The following COL5A1 variants were observed in gnomAD, a reference collection of about 807,000 sequenced individuals.
COL5A1 encodes the protein collagen type V alpha 1 chain, also known as collagen alpha-1(V) chain.
In COL5A1, 16 loss-of-function variants were observed where a neutral mutation model predicts 263.7. The ratio of observed to expected loss-of-function variants is 0.06; its 90% CI spans 0.04 to 0.09. The LOEUF (loss-of-function observed/expected upper bound fraction) is 0.09. Ranked by LOEUF, COL5A1 falls within the 10% of genes least tolerant of loss-of-function variation. The pLI is 1.00. For synonymous variants in COL5A1, 1,012 were observed against 1,004.5 expected (o/e 1.01, Z -0.14); for missense variants, 2,036 against 2,540.5 (o/e 0.80, Z 4.27).
chr9:134,765,856 T>C lies in COL5A1; in HGVS notation c.2088+122T>C. 1 of 765,146 alleles carries C rather than the reference T, an allele frequency of 1.3e-6. No individual in the cohort carries two copies. The highest frequency in any genetic ancestry group is 2.2e-6 in the Non-Finnish European group (1 of 464,022). 47.4% of individuals were successfully genotyped at this position (765,146 alleles called of 1,614,324 possible). On this transcript the variant is annotated intron_variant, in intron 21 of 65. Coordinates refer to ENST00000371817, the MANE Select transcript of COL5A1 (RefSeq NM_000093.5). This position sits in a 1 kb window ranked among gnomAD's most constrained non-coding sequence, Gnocchi z 5.1. Reference sequence around the variant, plus strand: ...CGTGCTGGCCCCTCTGGCGCCTGCCTGCTGCCAGTGTGAGGCGTGAGCGGG... The same window carrying C: ...CGTGCTGGCCCCTCTGGCGCCTGCCCGCTGCCAGTGTGAGGCGTGAGCGGG...
At chr9:134,766,185 G>A (rs1345368210) in intron 21 of COL5A1, among the ~76,000 whole-genome samples, 5 of 152,218 alleles carry the variant, frequency 3.3e-5, no homozygotes, top group African/African-American at 1.2e-4. Context: ...TCCCAGCCCC[G>A]TGACCTGGTT....
intron 25 of COL5A1, among the ~76,000 whole-genome samples, chr9:134,769,647 G>A (rs908812807): frequency 4.5e-4 from 68 of 152,342 alleles, no homozygotes; most frequent in African/African-American, 1.6e-3. Flanking sequence ...TGGAGTATGG[G>A]CCGCAATCTG....
At chr9:134,827,449 C>T (rs955326953) in intron 63 of COL5A1, among the ~76,000 whole-genome samples, 5 of 152,248 alleles carry the variant, frequency 3.3e-5, no homozygotes, top group Non-Finnish European at 7.3e-5. Context: ...GGGGGCCTTC[C>T]ATCTCGGCTC....
chr9:134,834,979 T>C lies in COL5A1; in HGVS notation c.5145T>C (p.Tyr1715=). 1 of 1,613,072 alleles carries C rather than the reference T, an allele frequency of 6.2e-7. No individual in the cohort carries two copies. Among genetic ancestry groups the C allele is most frequent in the Non-Finnish European group, 8.5e-7 (1 of 1,179,686 alleles). The change falls in exon 65 of 66, where the codon TAT becomes TAC. Residue 1715 remains tyrosine, a synonymous_variant. Transcript: ENST00000371817. Reference sequence around the variant, plus strand: ...CACCCCTGTCCCCCCAGCTCTCCTATGTGGACGCCGAGGGCAACCCTGTGG... The same window carrying C: ...CACCCCTGTCCCCCCAGCTCTCCTACGTGGACGCCGAGGGCAACCCTGTGG... The part of the protein sequence containing the change: ...SEFKRGKLLS[Y]VDAEGNPVGV...
At position 134,817,848 on chromosome 9, in the gene COL5A1, C is replaced by T. The variant is rs745440420; in HGVS notation, c.4230+17C>T. ...GGGGCCAAGGTAACGTGTTTTGGAG[C>T]CAGGCTGTGACCGCGTAGACCTCCC... On this transcript the variant is annotated intron_variant, in intron 54 of 65. Transcript: ENST00000371817. The T allele has an allele frequency of 1.6e-5, 25 of 1,593,968 alleles. No homozygotes were observed. Among genetic ancestry groups the T allele is most frequent in the Non-Finnish European group, 2.1e-5 (24 of 1,169,846 alleles).
At position 134,818,596 on chromosome 9, in the gene COL5A1, G is replaced by A; in HGVS notation, c.4231-60G>A. 7.6e-7 allele frequency: 1 copy of A among 1,310,158 alleles called. No homozygotes were observed. The highest frequency in any genetic ancestry group is 1.2e-5 in the South Asian group (1 of 80,328). 81.2% of individuals were successfully genotyped at this position (1,310,158 alleles called of 1,614,324 possible). A position where few individuals can be genotyped will look rare whatever the true frequency, so the allele number is the denominator to read the frequency against. On this transcript the variant is annotated intron_variant, in intron 54 of 65. Transcript: ENST00000371817. The surrounding 1 kb of genome is among the most constrained non-coding windows in gnomAD (Gnocchi z 6.0). The stretch of plus-strand genomic sequence containing the variant: ...CCCAGGGTTTCCGAGCAGTGGTCCT[G>A]GGCCAGGGTGCCTGGAGCCTAGAGC...
At chr9:134,823,069 G>A (rs953651070) in intron 60 of COL5A1, 36 bp downstream of exon 60, 29 of 1,613,180 alleles carry the variant, frequency 1.8e-5, no homozygotes, top group Non-Finnish European at 2.5e-5. Flanking sequence ...CCAATGCCTG[G>A]AAGGTAGGGG....
At position 134,742,317 on chromosome 9, in the gene COL5A1, G is replaced by T. The variant is rs1264692475; in HGVS notation, c.1494+3509G>T. On this transcript the variant is annotated intron_variant, in intron 11 of 65. Coordinates refer to ENST00000371817, the MANE Select transcript of COL5A1 (RefSeq NM_000093.5). The surrounding 1 kb of genome is among the most constrained non-coding windows in gnomAD (Gnocchi z 4.6). ...AAGAAACTCACCGTCCAGTGAGGAAGAAAAGGCACAGACCAGGCACGGTTA... is the reference window on the plus strand; with the variant it reads ...AAGAAACTCACCGTCCAGTGAGGAATAAAAGGCACAGACCAGGCACGGTTA... Among the ~76,000 whole-genome samples, 1 of 151,842 alleles carries T rather than the reference G, an allele frequency of 6.6e-6. No individual in the cohort carries two copies. The highest frequency in any genetic ancestry group is 1.5e-5 in the Non-Finnish European group (1 of 67,962).
intron 1 of COL5A1, among the ~76,000 whole-genome samples, chr9:134,663,104 C>T (rs1019979633): frequency 1.9e-4 from 29 of 152,226 alleles, no homozygotes; most frequent in African/African-American, 6.3e-4. Context: ...AAATGAAGTT[C>T]GACGTTTCCT....
intron 1 of COL5A1, among the ~76,000 whole-genome samples, chr9:134,657,949 G>A (rs528245683): frequency 6.6e-6 from 1 of 151,920 alleles, no homozygotes; most frequent in Non-Finnish European, 1.5e-5. Context: ...CCAGGCCTGG[G>A]AGTCCTGGCC....
chr9:134,685,568 TCATC>T (rs1190437596), intron 1 of COL5A1, among the ~76,000 whole-genome samples: 3 of 92,720 alleles, frequency 3.2e-5, no homozygotes, highest in Non-Finnish European at 4.3e-5. Context: ...ATCCATCTAT[TCATC>T]CATCCATCCA....
intron 18 of COL5A1, among the ~76,000 whole-genome samples, chr9:134,760,085 TACACGCCCACACACCCCC>T (rs1836267323): frequency 2.4e-5 from 1 of 42,446 alleles, no homozygotes; most frequent in Non-Finnish European, 3.8e-5. Flanking sequence ...CACACACGCA[TACACGCCCACACACCCCC>T]ACACTCATAC....
In COL5A1 at chr9:134,820,080, C is replaced by G. The variant is rs547460305; in HGVS notation, c.4447-36C>G. Reference sequence around the variant, plus strand: ...CGTGGCCGAGCATGAGGCGTGGCTCCCTCAAATGCCCCTTCCTGTCTTCAT... The same window carrying G: ...CGTGGCCGAGCATGAGGCGTGGCTCGCTCAAATGCCCCTTCCTGTCTTCAT... On this transcript the variant is annotated intron_variant, in intron 57 of 65. Transcript: ENST00000371817. 1.9e-6 allele frequency: 3 copies of G among 1,541,142 alleles called. No individual in the cohort carries two copies. The African/African-American group carries it at 4.1e-5, about 21-fold the overall frequency.
rs141938982 is a variant in COL5A1 at position 134,815,713 on chromosome 9, GTTCT to G, written c.4068+87_4068+90del. On this transcript the variant is annotated intron_variant, in intron 51 of 65. Coordinates refer to ENST00000371817, the MANE Select transcript of COL5A1 (RefSeq NM_000093.5). ...AGCCCCATTTCCCCTCTTTCTGGTG[GTTCT>G]TTGTGATGAACTCCCACTGGGGCAG... 1.9e-3 allele frequency: 2,850 copies of G among 1,486,956 alleles called. 38 individuals carry two copies. In the African/African-American group the frequency reaches 0.03, roughly 16 times the overall value. The allele number at this position is 1,486,956 out of a possible 1,614,324, so 92.1% of individuals were successfully genotyped here. A position where few individuals can be genotyped will look rare whatever the true frequency, so the allele number is the denominator to read the frequency against.
intron 11 of COL5A1, among the ~76,000 whole-genome samples, chr9:134,747,561 A>G (rs1835564593): frequency 6.6e-6 from 1 of 152,214 alleles, no homozygotes; most frequent in Admixed American, 6.5e-5. Context: ...ATGCATGCAT[A>G]CATGTATTCA....
chr9:134,671,517 C>G (rs1167802622), intron 1 of COL5A1, among the ~76,000 whole-genome samples: 1 of 152,160 alleles, frequency 6.6e-6, no homozygotes, highest in Non-Finnish European at 1.5e-5. Flanking sequence ...AGTGACCCAC[C>G]ACAATGTTCC....
chr9:134,728,916 G>A, intron 6 of COL5A1, 109 bp downstream of exon 6: 1 of 1,439,796 alleles, frequency 6.9e-7, no homozygotes, highest in Non-Finnish European at 9.6e-7. Flanking sequence ...GGGGCTGTCT[G>A]GTGAAGGTTG....
chr9:134,768,596 G>GTT (rs1228173179), intron 25 of COL5A1, 133 bp downstream of exon 25: 13 of 888,246 alleles, frequency 1.5e-5, no homozygotes, highest in Non-Finnish European at 2.4e-5. Flanking sequence ...ATGAAGACCC[G>GTT]TTTGGTCTCC....
At chr9:134,663,316 TCTC>T (rs1052074042) in intron 1 of COL5A1, among the ~76,000 whole-genome samples, 1 of 152,144 alleles carries the variant, frequency 6.6e-6, no homozygotes, top group Non-Finnish European at 1.5e-5. Flanking sequence ...GTAGCACACT[TCTC>T]CTCTCTGCTG....
Sources: allele counts gnomAD v4.1 joint callset (sites outside exome capture counted in the v4.1 genomes callset), GRCh38; gene constraint gnomAD v4.1.1; non-coding constraint Gnocchi (gnomAD v3.1); transcripts MANE v1.5; gene names NCBI Gene and HGNC (gene_info 2026-07-23, HGNC 2026-07-21).